The following NXPE4 variants were observed in gnomAD, a reference collection of about 807,000 sequenced individuals.
The protein encoded by NXPE4 is neurexophilin and PC-esterase domain family member 4.
A neutral mutation model predicts 33.3 loss-of-function variants in NXPE4; 42 were observed. The observed-to-expected ratio is 1.26, with a 90% CI of 0.98 to 1.63. The LOEUF (loss-of-function observed/expected upper bound fraction) is 1.63, where lower values mean the gene tolerates loss of function less well. Among genes scored for constraint, NXPE4 ranks in the 40% most tolerant of loss-of-function variants. The pLI is 0.00. For missense variants in NXPE4, 709 were observed against 647.6 expected, an observed-to-expected ratio of 1.09 and a Z score of -1.03; for synonymous variants, 253 against 234.9, an observed-to-expected ratio of 1.08 and a Z score of -0.71.
At chr11:114,602,358 T>C in the NXPE4 span, among the ~76,000 whole-genome samples, 1 of 126,968 alleles carries the variant, frequency 7.9e-6, no homozygotes, top group Non-Finnish European at 1.6e-5. Context: ...ATACTATATA[T>C]AATATGTTAT....
chr11:114,617,412 C>G, the NXPE4 span, among the ~76,000 whole-genome samples: 1 of 152,092 alleles, frequency 6.6e-6, no homozygotes, highest in African/African-American at 2.4e-5. Context: ...TCGTGGGTAA[C>G]CACTGTTACC....
At chr11:114,619,056 T>A in the NXPE4 span, among the ~76,000 whole-genome samples, 4 of 151,948 alleles carry the variant, frequency 2.6e-5, no homozygotes, top group Non-Finnish European at 5.9e-5. Flanking sequence ...GTAACCACTG[T>A]TACCTGGTGG....
At chr11:114,634,427 G>C in the NXPE4 span, among the ~76,000 whole-genome samples, 4 of 152,172 alleles carry the variant, frequency 2.6e-5, no homozygotes, top group Middle Eastern at 6.8e-3. Context: ...TGTTCACTCT[G>C]ATGGTAGTTT....
chr11:114,578,354 T>G (rs1949061955), intron 5 of NXPE4, among the ~76,000 whole-genome samples: 1 of 152,194 alleles, frequency 6.6e-6, no homozygotes. Context: ...TATGACAAAT[T>G]AAAAGATGAG....
At chr11:114,671,143 C>T in the NXPE4 span, among the ~76,000 whole-genome samples, 1 of 149,470 alleles carries the variant, frequency 6.7e-6, no homozygotes, top group Non-Finnish European at 1.5e-5. Flanking sequence ...AGTACAATAA[C>T]TGATATGAAA....
At chr11:114,674,283 G>GA in the NXPE4 span, among the ~76,000 whole-genome samples, 1 of 151,564 alleles carries the variant, frequency 6.6e-6, no homozygotes, top group African/African-American at 2.4e-5. Flanking sequence ...ATTTTCTCTT[G>GA]AAAAATCATT....
At chr11:114,575,862 T>C (rs1948984102) in intron 5 of NXPE4, among the ~76,000 whole-genome samples, 1 of 152,078 alleles carries the variant, frequency 6.6e-6, no homozygotes, top group Non-Finnish European at 1.5e-5. Flanking sequence ...CTAAAATTCA[T>C]ATGGAACCAA....
the NXPE4 span, among the ~76,000 whole-genome samples, chr11:114,631,366 C>G: frequency 6.6e-6 from 1 of 151,790 alleles, no homozygotes; most frequent in Non-Finnish European, 1.5e-5. Context: ...AGTTCATGTC[C>G]TTTGTAGGGA....
the NXPE4 span, among the ~76,000 whole-genome samples, chr11:114,623,028 C>A: frequency 6.6e-6 from 1 of 152,058 alleles, no homozygotes; most frequent in Non-Finnish European, 1.5e-5. Flanking sequence ...TGCGGGAAAC[C>A]CCTGTTACCC....
the NXPE4 span, among the ~76,000 whole-genome samples, chr11:114,664,051 C>T: frequency 6.6e-6 from 1 of 152,200 alleles, no homozygotes; most frequent in Admixed American, 6.5e-5. Flanking sequence ...TGAAAACTTA[C>T]GTTCACACAA....
rs148105645 is a variant in NXPE4, at chr11:114,571,403, G to A, written c.1170C>T (p.Asn390=). Reference sequence around the variant, plus strand: ...AATATTTTTGCCACTGGATGTTGATGTTCCTATCCAAATCCACAGCAAGCT... The same window carrying A: ...AATATTTTTGCCACTGGATGTTGATATTCCTATCCAAATCCACAGCAAGCT... ...QHQLAVDLDR[N]INIQWQKYCY... The change falls in exon 6 of 6, where the codon AAC becomes AAT. Residue 390 remains asparagine (N), a synonymous_variant. Coordinates refer to ENST00000375478, the MANE Select transcript of NXPE4 (RefSeq NM_001077639.2). 2.6e-4 allele frequency: 420 copies of A among 1,613,580 alleles called. 3 individuals are homozygous for A. The African/African-American group carries it at 3.1e-3, about 12-fold the overall frequency.
intron 2 of NXPE4, among the ~76,000 whole-genome samples, chr11:114,588,418 C>T (rs576109017): frequency 1.3e-5 from 2 of 152,270 alleles, no homozygotes; most frequent in South Asian, 2.1e-4. Context: ...GGTGTCTAAC[C>T]TCTCATGGAG....
chr11:114,593,018 A>T (rs549689236), intron 2 of NXPE4, among the ~76,000 whole-genome samples: 1 of 152,290 alleles, frequency 6.6e-6, no homozygotes, highest in East Asian at 1.9e-4. Context: ...CATATACAAA[A>T]CTCAGTTACA....
intron 2 of NXPE4, among the ~76,000 whole-genome samples, chr11:114,588,936 G>A (rs1949375183): frequency 6.6e-6 from 1 of 152,160 alleles, no homozygotes; most frequent in Non-Finnish European, 1.5e-5. Flanking sequence ...GCATTTTGGA[G>A]AACCTCCTGA....
At chr11:114,636,913 G>A in the NXPE4 span, among the ~76,000 whole-genome samples, 1,867 of 152,002 alleles carry the variant, frequency 0.012, 28 homozygotes, top group Non-Finnish European at 0.021. Flanking sequence ...TAGGTGTGGT[G>A]TGTTGCTGAA....
the NXPE4 span, among the ~76,000 whole-genome samples, chr11:114,633,137 T>C: frequency 8.0e-6 from 1 of 125,414 alleles, no homozygotes; most frequent in African/African-American, 3.1e-5. Context: ...ATATTTCATA[T>C]ATTATTTTAT....
intron 2 of NXPE4, among the ~76,000 whole-genome samples, chr11:114,590,922 A>G (rs1949435909): frequency 2.6e-5 from 4 of 152,174 alleles, no homozygotes; most frequent in Admixed American, 2.0e-4. Flanking sequence ...TGCTGTTAGA[A>G]GGGTCAGCAG....
the NXPE4 span, among the ~76,000 whole-genome samples, chr11:114,625,367 T>C: frequency 6.7e-6 from 1 of 149,902 alleles, no homozygotes; most frequent in Non-Finnish European, 1.5e-5. Flanking sequence ...GTATTGCCTC[T>C]TGGGTAACCA....
the NXPE4 span, among the ~76,000 whole-genome samples, chr11:114,601,788 TGTGA>T: frequency 3.2e-3 from 228 of 72,006 alleles, 8 homozygotes; most frequent in African/African-American, 0.012. Context: ...TTATATAACA[TGTGA>T]TATATGATTA....
Sources: allele counts gnomAD v4.1 joint callset (sites outside exome capture counted in the v4.1 genomes callset), GRCh38; gene constraint gnomAD v4.1.1; transcripts MANE v1.5; gene names NCBI Gene and HGNC (gene_info 2026-07-23, HGNC 2026-07-21).